The following ZFYVE9 variants were observed in gnomAD, a reference collection of about 807,000 sequenced individuals.
ZFYVE9 encodes zinc finger FYVE domain-containing protein 9.
Under a neutral mutation model 126.7 loss-of-function variants are expected in ZFYVE9, and 43 were observed. The observed-to-expected ratio is 0.34, with a 90% CI of 0.27 to 0.44. The LOEUF (loss-of-function observed/expected upper bound fraction) is 0.44. Among genes scored for constraint, ZFYVE9 ranks in the 20% least tolerant of loss-of-function variants. The pLI, the probability that ZFYVE9 is intolerant of heterozygous loss-of-function variation, is 1.00. For missense variants in ZFYVE9, 1,476 were observed against 1,697.0 expected (o/e 0.87, Z 2.29); for synonymous variants, 521 against 597.4 (o/e 0.87, Z 1.87).
At chr1:52,342,638 C>T (rs1041568000) in intron 17 of ZFYVE9, among the ~76,000 whole-genome samples, 5 of 151,178 alleles carry the variant, frequency 3.3e-5, no homozygotes, top group Admixed American at 1.3e-4. Context: ...TGGGTTCAGG[C>T]GATTCTCCTG....
chr1:52,181,094 C>T (rs948106471), intron 1 of ZFYVE9, among the ~76,000 whole-genome samples: 4 of 151,994 alleles, frequency 2.6e-5, no homozygotes, highest in Admixed American at 1.3e-4. Context: ...CTCACGGTCT[C>T]CTTCTCCCTC....
In ZFYVE9 at chr1:52,147,805, G is replaced by A. The variant is rs142839387; in HGVS notation, c.-143+5402G>A. ...ACTATCAGATTGTTTTTACAAAGTA[G>A]CTGCACCTTTTTACAATCCCACCTG... On this transcript the variant is annotated intron_variant, in intron 1 of 18. Coordinates refer to ENST00000287727, the MANE Select transcript of ZFYVE9 (RefSeq NM_004799.4). Among the ~76,000 whole-genome samples the A allele has an allele frequency of 1.6e-4, 24 of 152,290 alleles. No homozygotes were observed. In the East Asian group the frequency reaches 1.7e-3, roughly 11 times the overall value.
rs142005269 is a variant in ZFYVE9, at chr1:52,201,111, G to A, written c.-142-15258G>A. Among the ~76,000 whole-genome samples, 738 of 152,216 alleles carry A rather than the reference G, an allele frequency of 4.8e-3. 3 individuals are homozygous for A. The highest frequency in any genetic ancestry group is 8.0e-3 in the Non-Finnish European group (542 of 68,006). On this transcript the variant is annotated intron_variant, in intron 1 of 18. Transcript: ENST00000287727. The stretch of plus-strand genomic sequence containing the variant: ...TTGACAATATTAAGTCTTTCTGTTC[G>A]TGAACATGGAATATCTTTTCATTTA...
chr1:52,288,343 G>A (rs1055992613), intron 10 of ZFYVE9, among the ~76,000 whole-genome samples: 11 of 152,180 alleles, frequency 7.2e-5, no homozygotes, highest in African/African-American at 2.7e-4. Flanking sequence ...CACCCAGGCT[G>A]TGTAGCAGTG....
intron 4 of ZFYVE9, among the ~76,000 whole-genome samples, chr1:52,255,078 G>A (rs1243997563): frequency 4.1e-5 from 6 of 145,346 alleles, no homozygotes; most frequent in Non-Finnish European, 7.5e-5. Context: ...GGTGATAAAC[G>A]AGACCATGTC....
chr1:52,338,658 A>C (rs947768076), intron 16 of ZFYVE9, among the ~76,000 whole-genome samples: 13 of 152,338 alleles, frequency 8.5e-5, no homozygotes, highest in Admixed American at 6.5e-4. Flanking sequence ...AATTCAAGTA[A>C]TTTTGACTAA....
chr1:52,281,715 AGTCT>A lies in ZFYVE9; in HGVS notation c.2926_2929del (p.Ser976ArgfsTer2). 6.2e-7 allele frequency: 1 copy of A among 1,614,198 alleles called. No individual in the cohort carries two copies. The highest frequency in any genetic ancestry group is 8.5e-7 in the Non-Finnish European group (1 of 1,180,020). On this transcript the variant is annotated frameshift_variant, in exon 10 of 19. Coordinates refer to ENST00000287727, the MANE Select transcript of ZFYVE9 (RefSeq NM_004799.4). LOFTEE classifies it high-confidence loss of function. ...ACCAAGGGAATGCATGCAGTGGGTC[AGTCT>A]GAGATAGTCATTCTTCTACAGTGTT...
chr1:52,172,199 A>T (rs1421575044), intron 1 of ZFYVE9, among the ~76,000 whole-genome samples: 2 of 152,244 alleles, frequency 1.3e-5, no homozygotes, highest in Admixed American at 6.5e-5. Flanking sequence ...GAAGGGATCC[A>T]GTTTCAGCTT....
At position 52,245,418 on chromosome 1, in the gene ZFYVE9, G is replaced by A. The variant is rs371999243; in HGVS notation, c.2178+5823G>A. 9.9e-5 allele frequency among the ~76,000 whole-genome samples: 15 copies of A among 152,216 alleles called. No individual in the cohort carries two copies. In the East Asian group the frequency reaches 2.9e-3, roughly 29 times the overall value. On this transcript the variant is annotated intron_variant, in intron 4 of 18. Transcript: ENST00000287727. ...ATTGTGGTGGTGGTGGTGGTTGTGA[G>A]GAGAATGAGATACTAATATTTATTG...
intron 2 of ZFYVE9, among the ~76,000 whole-genome samples, chr1:52,228,627 A>G (rs1346065733): frequency 2.0e-5 from 3 of 152,150 alleles, no homozygotes; most frequent in South Asian, 4.1e-4. Flanking sequence ...TTCCCTAAAC[A>G]CTTCAGCAGG....
At chr1:52,232,390 A>G (rs1013076412) in intron 2 of ZFYVE9, among the ~76,000 whole-genome samples, 2 of 152,152 alleles carry the variant, frequency 1.3e-5, no homozygotes, top group African/African-American at 4.8e-5. Context: ...ATCGATTAAC[A>G]TTAAAGAAAT....
At chr1:52,289,609 A>G (rs1303603078) in intron 10 of ZFYVE9, among the ~76,000 whole-genome samples, 1 of 152,206 alleles carries the variant, frequency 6.6e-6, no homozygotes, top group African/African-American at 2.4e-5. Flanking sequence ...TACAGACTTT[A>G]TGAATTCAAG....
At chr1:52,300,864 T>C (rs1283231229) in intron 12 of ZFYVE9, among the ~76,000 whole-genome samples, 2 of 138,994 alleles carry the variant, frequency 1.4e-5, no homozygotes, top group Non-Finnish European at 3.1e-5. Context: ...GGTTTTTTGG[T>C]TTTTTTTTTT....
chr1:52,202,825 A>C (rs1213684698), intron 1 of ZFYVE9, among the ~76,000 whole-genome samples: 1 of 151,426 alleles, frequency 6.6e-6, no homozygotes. Flanking sequence ...AGCTGGAATT[A>C]CAGGCATGCA....
At chr1:52,162,777 C>G (rs12045293) in intron 1 of ZFYVE9, 7 of 331,690 alleles carry the variant, frequency 2.1e-5, no homozygotes, top group Admixed American at 7.0e-5. Flanking sequence ...TGAGCTACTT[C>G]GTCTCCTGTG....
At chr1:52,185,177 C>T (rs1333148988) in intron 1 of ZFYVE9, among the ~76,000 whole-genome samples, 1 of 152,126 alleles carries the variant, frequency 6.6e-6, no homozygotes, top group Non-Finnish European at 1.5e-5. Flanking sequence ...AATTTAATAC[C>T]TACTAGTTCA....
chr1:52,256,852 A>G (rs1645525246), intron 4 of ZFYVE9, among the ~76,000 whole-genome samples: 1 of 152,184 alleles, frequency 6.6e-6, no homozygotes, highest in Non-Finnish European at 1.5e-5. Flanking sequence ...ATAAGTTGTT[A>G]CTTTCACTGG....
At chr1:52,205,148 C>A (rs1218205836) in intron 1 of ZFYVE9, among the ~76,000 whole-genome samples, 3 of 142,268 alleles carry the variant, frequency 2.1e-5, no homozygotes, top group South Asian at 2.2e-4. Flanking sequence ...GATCTGGGTT[C>A]ACTGCAGCCT....
At chr1:52,233,655 T>G (rs182735291) in intron 3 of ZFYVE9, among the ~76,000 whole-genome samples, 5 of 152,278 alleles carry the variant, frequency 3.3e-5, no homozygotes, top group African/African-American at 1.2e-4. Flanking sequence ...CTAAGAAAAA[T>G]AGCTCGTTCT....
Sources: gnomAD v4.1 joint callset for allele counts (sites outside exome capture counted in the v4.1 genomes callset) on GRCh38, gnomAD v4.1.1 for gene constraint, MANE v1.5 for transcripts, NCBI Gene and HGNC (gene_info 2026-07-23, HGNC 2026-07-21) for gene names.